The following DNAH5 variants were observed in gnomAD, a reference collection of about 807,000 sequenced individuals.
DNAH5 encodes axonemal beta dynein heavy chain 5.
Under a neutral mutation model 518.2 loss-of-function variants are expected in DNAH5, and 372 were observed. The ratio of observed to expected loss-of-function variants is 0.72; its 90% CI spans 0.66 to 0.78. The LOEUF (loss-of-function observed/expected upper bound fraction) is 0.78. DNAH5 is among the 30% of genes least tolerant of loss of function. The probability of loss-of-function intolerance (pLI) is 0.00; values close to 1 mark genes in which losing one functional copy is unlikely to be tolerated. For synonymous variants in DNAH5, 2,039 were observed against 2,025.9 expected (o/e 1.01, Z -0.17); for missense variants, 5,523 against 5,687.0 (o/e 0.97, Z 0.93).
chr5:13,876,816 AT>A lies in DNAH5; in HGVS notation c.3263del (p.Asp1088ValfsTer5). ...AATTTACAGATGCTATCTCCAAGGT[AT>A]CTAAAAAGAAAAAAAGAAGAGAAAA... ...DVEMGENELQ[D>X]TLEIASVNLP... On this transcript the variant is annotated frameshift_variant and splice_region_variant, in exon 22 of 79. Transcript: ENST00000265104. LOFTEE classifies it high-confidence loss of function. The A allele has an allele frequency of 6.2e-7, 1 of 1,613,346 alleles. No homozygotes were observed. Among genetic ancestry groups the A allele is most frequent in the Non-Finnish European group, 8.5e-7 (1 of 1,179,586 alleles).
At position 13,719,014 on chromosome 5, in the gene DNAH5, G is replaced by A. The variant is rs151145750; in HGVS notation, c.12367C>T (p.His4123Tyr). The change falls in exon 72 of 79, where the codon CAT (histidine) becomes TAT (tyrosine). Residue 4123 changes from histidine (H) to tyrosine (Y), a missense_variant. His to Tyr is a moderately conservative substitution (Grantham distance 83, BLOSUM62 2). This residue lies in a region of DNAH5 where 5,121 missense variants were observed against 5,223.3 expected (regional missense o/e 0.98). Transcript: ENST00000265104. ...MDIIIETELV[H>Y]DAFRLWMTTE... ...GTCATCCAGAGGCGGAACGCATCAT[G>A]TACAAGCTCAGTTTCTATGATTATG... 396 of 1,614,124 alleles carry A rather than the reference G, an allele frequency of 2.5e-4. No homozygotes were observed. The East Asian group carries it at 7.7e-3, about 31-fold the overall frequency.
At chr5:13,796,826 C>G (rs1335320810) in intron 47 of DNAH5, among the ~76,000 whole-genome samples, 1 of 152,182 alleles carries the variant, frequency 6.6e-6, no homozygotes, top group Non-Finnish European at 1.5e-5. Context: ...GTAACCAAAA[C>G]AGCATGGTAC....
chr5:13,744,494 T>C (rs1749060385), intron 65 of DNAH5, among the ~76,000 whole-genome samples: 1 of 152,066 alleles, frequency 6.6e-6, no homozygotes, highest in Non-Finnish European at 1.5e-5. Context: ...ATATTGAATG[T>C]TCCCAACATA....
chr5:13,915,068 G>C (rs761901230), intron 9 of DNAH5, among the ~76,000 whole-genome samples: 4 of 152,074 alleles, frequency 2.6e-5, no homozygotes, highest in Non-Finnish European at 5.9e-5. Flanking sequence ...AATGTCAAAA[G>C]GAGAAGGCCG....
chr5:13,844,495 G>A (rs1052260953), intron 32 of DNAH5, among the ~76,000 whole-genome samples: 2 of 152,154 alleles, frequency 1.3e-5, no homozygotes, highest in Non-Finnish European at 2.9e-5. Context: ...TACATCATGA[G>A]GGCAATTCCG....
chr5:13,987,117 T>C (rs1224152411), intron 1 of DNAH5, among the ~76,000 whole-genome samples: 1 of 152,172 alleles, frequency 6.6e-6, no homozygotes, highest in Non-Finnish European at 1.5e-5. Flanking sequence ...GCTACCTGGA[T>C]GCAACCAGCT....
chr5:13,898,027 C>T (rs544429365), intron 15 of DNAH5: 2 of 152,356 alleles, frequency 1.3e-5, no homozygotes, highest in Admixed American at 1.3e-4. Flanking sequence ...TATAGATGTG[C>T]CTGTTCACAG....
intron 1 of DNAH5, among the ~76,000 whole-genome samples, chr5:13,990,604 A>T (rs1374208477): frequency 6.6e-6 from 1 of 152,104 alleles, no homozygotes; most frequent in Non-Finnish European, 1.5e-5. Flanking sequence ...GTGGTGGCTC[A>T]TTCCTATAAT....
Position 13,721,258 on chromosome 5 carries a change from G to T in DNAH5, c.12034-13C>A. 1 of 1,614,034 alleles carries T rather than the reference G, an allele frequency of 6.2e-7. No homozygotes were observed. The highest frequency in any genetic ancestry group is 8.5e-7 in the Non-Finnish European group (1 of 1,179,956). On this transcript the variant is annotated splice_polypyrimidine_tract_variant and intron_variant, in intron 70 of 78. Transcript: ENST00000265104. Reference sequence around the variant, plus strand: ...TGTACTTGCGGGCCTGCCAAAAACAGTATACAAGTCAGTAAAAGTCATTCC... The same window carrying T: ...TGTACTTGCGGGCCTGCCAAAAACATTATACAAGTCAGTAAAAGTCATTCC...
At chr5:13,880,201 T>G (rs938602584) in intron 21 of DNAH5, among the ~76,000 whole-genome samples, 1 of 152,116 alleles carries the variant, frequency 6.6e-6, no homozygotes. Context: ...ATCAAGCAAT[T>G]CTAGCTTTCA....
rs748454969 is a variant in DNAH5, at chr5:13,823,102, C to T, written c.6687+161G>A. Among the ~76,000 whole-genome samples the T allele has an allele frequency of 6.6e-5, 10 of 152,310 alleles. 1 individual carries two copies. The highest frequency in any genetic ancestry group is 6.8e-3 in the Middle Eastern group (2 of 294). On this transcript the variant is annotated intron_variant, in intron 40 of 78. Transcript: ENST00000265104. ...GACCCAGGGCAAGGGGAGTTTGACTCGTGGTGTGCATTGGCCTCCCTTAAG... is the reference window on the plus strand; with the variant it reads ...GACCCAGGGCAAGGGGAGTTTGACTTGTGGTGTGCATTGGCCTCCCTTAAG...
chr5:13,883,636 G>A (rs1262556666), intron 19 of DNAH5, among the ~76,000 whole-genome samples: 1 of 152,136 alleles, frequency 6.6e-6, no homozygotes, highest in African/African-American at 2.4e-5. Flanking sequence ...TTGAACATAG[G>A]TATAGGTATG....
intron 66 of DNAH5, among the ~76,000 whole-genome samples, chr5:13,736,974 T>A (rs535705611): frequency 5.9e-5 from 9 of 152,326 alleles, no homozygotes; most frequent in South Asian, 4.1e-4. Context: ...TCAGATTTTT[T>A]AAAATTCTCC....
In DNAH5 at chr5:13,920,547, G is replaced by C; in HGVS notation, c.731C>G (p.Ala244Gly). ...LKEPTDYLTL[A>G]NNPETLGKIE... ...TTTTCCCAAAGTCTCAGGGTTATTT[G>C]CTAGAGTCAAGTAGTCCGTAGGTTC... Residue 244 changes from alanine (A) to glycine (G), a missense_variant, in exon 6 of 79, where the codon GCA (alanine) becomes GGA (glycine). Physicochemically the swap from Ala to Gly is moderately conservative, Grantham distance 60. This residue lies in a region of DNAH5 where 5,121 missense variants were observed against 5,223.3 expected (regional missense o/e 0.98). Coordinates refer to ENST00000265104, the MANE Select transcript of DNAH5 (RefSeq NM_001369.3). 6.2e-7 allele frequency: 1 copy of C among 1,614,120 alleles called. No individual in the cohort carries two copies. The highest frequency in any genetic ancestry group is 8.5e-7 in the Non-Finnish European group (1 of 1,179,982).
At chr5:13,841,954 A>G (rs748471499) in intron 32 of DNAH5, 50 bp from the exon 33 acceptor site, 6 of 1,171,508 alleles carry the variant, frequency 5.1e-6, no homozygotes, top group Non-Finnish European at 7.5e-6. Flanking sequence ...GTCATATAAA[A>G]AGTAAAAACT....
At chr5:13,951,937 T>C (rs543051886) in intron 1 of DNAH5, among the ~76,000 whole-genome samples, 2 of 152,354 alleles carry the variant, frequency 1.3e-5, no homozygotes, top group South Asian at 4.1e-4. Context: ...TAAGATATCA[T>C]GAAAATGGTA....
intron 75 of DNAH5, among the ~76,000 whole-genome samples, chr5:13,710,951 G>T (rs1481118746): frequency 6.6e-6 from 1 of 152,078 alleles, no homozygotes; most frequent in Non-Finnish European, 1.5e-5. Context: ...AAGAAGAATT[G>T]GTACCAATCC....
chr5:13,740,127 TCAA>T (rs1218949414), intron 65 of DNAH5, among the ~76,000 whole-genome samples: 2 of 152,078 alleles, frequency 1.3e-5, no homozygotes, highest in Admixed American at 6.6e-5. Flanking sequence ...CTCCTCAAAT[TCAA>T]CAACAAATTC....
At chr5:13,888,834 T>C (rs1772780327) in intron 17 of DNAH5, among the ~76,000 whole-genome samples, 1 of 152,022 alleles carries the variant, frequency 6.6e-6, no homozygotes, top group African/African-American at 2.4e-5. Context: ...AAGGAGAAAA[T>C]ACATGATACA....
Sources: allele counts gnomAD v4.1 joint callset (sites outside exome capture counted in the v4.1 genomes callset), GRCh38; gene constraint gnomAD v4.1.1; regional missense constraint gnomAD v4.1.1; transcripts MANE v1.5; gene names NCBI Gene and HGNC (gene_info 2026-07-23, HGNC 2026-07-21).